The following PCSK6 variants were observed in gnomAD, a reference collection of about 807,000 sequenced individuals.
PCSK6 encodes proprotein convertase subtilisin/kexin type 6.
In PCSK6, 85 loss-of-function variants were observed where a neutral mutation model predicts 123.3. That is an observed-to-expected ratio of 0.69 (90% CI 0.58 to 0.83). PCSK6 has a LOEUF of 0.83. PCSK6 is among the 40% of genes least tolerant of loss of function. PCSK6 has a pLI of 0.00. For missense variants in PCSK6, 1,191 were observed against 1,282.3 expected (o/e 0.93, Z 1.09); for synonymous variants, 508 against 516.0 (o/e 0.98, Z 0.21).
In PCSK6 at chr15:101,335,815, T is replaced by C. The variant is rs1039894926; in HGVS notation, c.1859-3784A>G. On this transcript the variant is annotated intron_variant, in intron 13 of 21. Transcript: ENST00000611716. Reference sequence around the variant, plus strand: ...TGATTTTGTTGTTTTGTGAATACCATAGAGTGTGCTTACACAAACCTAGAT... The same window carrying C: ...TGATTTTGTTGTTTTGTGAATACCACAGAGTGTGCTTACACAAACCTAGAT... 1.8e-4 allele frequency among the ~76,000 whole-genome samples: 27 copies of C among 152,210 alleles called. 2 individuals carry two copies. The highest frequency in any genetic ancestry group is 5.9e-5 in the Non-Finnish European group (4 of 68,032).
chr15:101,316,910 G>GTTTTCTTTTTTTTTTTTTTTTTTTT (rs2040002199), intron 19 of PCSK6, among the ~76,000 whole-genome samples: 1 of 114,972 alleles, frequency 8.7e-6, no homozygotes, highest in African/African-American at 3.9e-5. Context: ...ACTTAATTCT[G>GTTTTCTTTTTTTTTTTTTTTTTTTT]TTTTTTTTTT....
At chr15:101,325,109 C>T (rs896210763) in intron 16 of PCSK6, 63 bp from the exon 17 acceptor site, 39 of 1,237,242 alleles carry the variant, frequency 3.2e-5, no homozygotes, top group Non-Finnish European at 4.1e-5. Context: ...CAGGCCTGCC[C>T]CTTTGTTTCC....
rs4965845 is a variant in PCSK6 at position 101,399,990 on chromosome 15, A to C, written c.824-1414T>G. 2.6e-5 allele frequency among the ~76,000 whole-genome samples: 4 copies of C among 152,084 alleles called. No homozygotes were observed. The East Asian group carries it at 5.8e-4, about 22-fold the overall frequency. On this transcript the variant is annotated intron_variant, in intron 6 of 21. Coordinates refer to ENST00000611716, the MANE Select transcript of PCSK6 (RefSeq NM_002570.5). ...ATGCTCTTGCCCAAACTTTGGGAAA[A>C]AGAGAAATAACCAATAATATTTTGG...
rs1319423085 is a variant in PCSK6, at chr15:101,313,358, C to T, written c.2699+18G>A. Reference sequence around the variant, plus strand: ...GCTGGACACAGCTGCCTGCCGTTCCCCGCCAGGAGGACCGTACCTTCGACA... The same window carrying T: ...GCTGGACACAGCTGCCTGCCGTTCCTCGCCAGGAGGACCGTACCTTCGACA... On this transcript the variant is annotated intron_variant, in intron 20 of 21. Transcript: ENST00000611716. The T allele has an allele frequency of 1.9e-6, 3 of 1,612,708 alleles. No individual in the cohort carries two copies. The highest frequency in any genetic ancestry group is 1.7e-6 in the Non-Finnish European group (2 of 1,179,846).
At chr15:101,378,726 T>C (rs1382307828) in intron 11 of PCSK6, among the ~76,000 whole-genome samples, 1 of 152,246 alleles carries the variant, frequency 6.6e-6, no homozygotes, top group South Asian at 2.1e-4. Context: ...GGACTTCTTC[T>C]TATCTTTCGG....
chr15:101,422,679 T>C (rs912066367), intron 6 of PCSK6, among the ~76,000 whole-genome samples: 1 of 151,858 alleles, frequency 6.6e-6, no homozygotes, highest in Non-Finnish European at 1.5e-5. Context: ...GGAGTGCAGT[T>C]GGCGCGATCT....
intron 12 of PCSK6, among the ~76,000 whole-genome samples, chr15:101,366,758 G>T (rs2041406640): frequency 6.6e-6 from 1 of 152,188 alleles, no homozygotes; most frequent in Non-Finnish European, 1.5e-5. Context: ...AGGGGCGGGG[G>T]TCCCCCTGGG....
intron 1 of PCSK6, among the ~76,000 whole-genome samples, chr15:101,477,607 C>T (rs2057765486): frequency 6.6e-6 from 1 of 152,182 alleles, no homozygotes; most frequent in Non-Finnish European, 1.5e-5. Context: ...TTATGGTTTT[C>T]TTGTTCTTTT....
intron 1 of PCSK6, among the ~76,000 whole-genome samples, chr15:101,473,749 G>A (rs1461650762): frequency 6.6e-6 from 1 of 152,224 alleles, no homozygotes; most frequent in Non-Finnish European, 1.5e-5. Flanking sequence ...GTGGTGGCGT[G>A]CGCCTGTAAT....
At chr15:101,428,250 G>T (rs959310654) in intron 5 of PCSK6, among the ~76,000 whole-genome samples, 4 of 152,016 alleles carry the variant, frequency 2.6e-5, no homozygotes, top group African/African-American at 9.7e-5. Context: ...CCCCCATGTG[G>T]GAGGAAGGTG....
chr15:101,456,631 C>T (rs1270672729), intron 1 of PCSK6, among the ~76,000 whole-genome samples: 23 of 152,308 alleles, frequency 1.5e-4, no homozygotes, highest in Non-Finnish European at 4.4e-5. Flanking sequence ...CTACCGGGCT[C>T]TCAGAGGGCA....
chr15:101,375,283 C>T (rs1304789294), intron 11 of PCSK6, among the ~76,000 whole-genome samples: 2 of 150,658 alleles, frequency 1.3e-5, no homozygotes, highest in Non-Finnish European at 2.9e-5. Flanking sequence ...AACCATAGCA[C>T]ATCACTTAGG....
intron 11 of PCSK6, 96 bp downstream of exon 11, chr15:101,381,996 T>C: frequency 2.6e-6 from 2 of 755,638 alleles, no homozygotes; most frequent in South Asian, 1.7e-5. Flanking sequence ...GTGCACAGAA[T>C]GCATGTGTGA....
In PCSK6 at chr15:101,398,493, T is replaced by A. The variant is rs376170316; in HGVS notation, c.907A>T (p.Ser303Cys). Residue 303 changes from serine (S) to cysteine (C), a missense_variant, in exon 7 of 22, where the codon AGT becomes TGT. Ser to Cys is a moderately radical substitution (Grantham distance 112, BLOSUM62 -1). This residue lies in a region of PCSK6 where 357 missense variants were observed against 484.5 expected (regional missense o/e 0.74). Coordinates refer to ENST00000611716, the MANE Select transcript of PCSK6 (RefSeq NM_002570.5). This position sits in a 1 kb window ranked among gnomAD's most constrained non-coding sequence, Gnocchi z 4.6. ...GIRPNYIDIY[S>C]ASWGPDDDGK... ...TCGTCGTCCGGCCCCCAGCTGGCAC[T>A]GTAAATGTCGATGTAGTTGGGTCTG... 1.9e-6 allele frequency: 3 copies of A among 1,613,896 alleles called. No individual in the cohort carries two copies. The African/African-American group carries it at 4.0e-5, about 22-fold the overall frequency.
chr15:101,404,586 G>T (rs915452230), intron 6 of PCSK6, among the ~76,000 whole-genome samples: 1 of 152,174 alleles, frequency 6.6e-6, no homozygotes, highest in Non-Finnish European at 1.5e-5. Context: ...GAAGAGAGTG[G>T]GGTCAGAGAG....
At chr15:101,313,196 T>G in intron 20 of PCSK6, 180 bp downstream of exon 20, 1 of 1,525,836 alleles carries the variant, frequency 6.6e-7, no homozygotes, top group South Asian at 1.2e-5. Flanking sequence ...CCAACAAATA[T>G]GCATCCAGTG....
intron 7 of PCSK6, among the ~76,000 whole-genome samples, chr15:101,397,145 C>G (rs1357370268): frequency 6.6e-6 from 1 of 152,088 alleles, no homozygotes; most frequent in Admixed American, 6.5e-5. Flanking sequence ...GGCAGGGCAG[C>G]AGGGCTAGGG....
chr15:101,357,955 G>A (rs923240536), intron 13 of PCSK6, among the ~76,000 whole-genome samples: 1 of 152,172 alleles, frequency 6.6e-6, no homozygotes, highest in Non-Finnish European at 1.5e-5. Context: ...ATGTCGGCCT[G>A]GCCAGGAAGC....
intron 6 of PCSK6, among the ~76,000 whole-genome samples, chr15:101,408,281 C>T (rs573625969): frequency 3.4e-4 from 52 of 152,340 alleles, no homozygotes; most frequent in Non-Finnish European, 3.7e-4. Flanking sequence ...CAAAGGCCAC[C>T]CAGGAGCTTG....
Sources: allele counts gnomAD v4.1 joint callset (sites outside exome capture counted in the v4.1 genomes callset), GRCh38; gene constraint gnomAD v4.1.1; regional missense constraint gnomAD v4.1.1; non-coding constraint Gnocchi (gnomAD v3.1); transcripts MANE v1.5; gene names NCBI Gene and HGNC (gene_info 2026-07-23, HGNC 2026-07-21).